The following RIMS2 variants were observed in gnomAD, a reference collection of about 807,000 sequenced individuals.
The protein encoded by RIMS2 is regulating synaptic membrane exocytosis protein 2.
RIMS2 carries 59 observed loss-of-function variants against 174.4 expected under a neutral mutation model. That is an observed-to-expected ratio of 0.34 (90% CI 0.27 to 0.42). The LOEUF is 0.42. Ranked by LOEUF, RIMS2 falls within the 10% of genes least tolerant of loss-of-function variation. The pLI is 1.00. For synonymous variants in RIMS2, 606 were observed against 572.5 expected (o/e 1.06, Z -0.84); for missense variants, 1,620 against 1,666.3 (o/e 0.97, Z 0.48).
At chr8:103,880,743 A>G (rs1469481978) in intron 3 of RIMS2, 10 of 448,810 alleles carry the variant, frequency 2.2e-5, no homozygotes, top group East Asian at 2.0e-4. Context: ...AAATTTATAT[A>G]TTTTTGTTTT....
chr8:104,237,319 TA>T (rs1307636198), intron 19 of RIMS2, among the ~76,000 whole-genome samples: 1 of 152,166 alleles, frequency 6.6e-6, no homozygotes, highest in Non-Finnish European at 1.5e-5. Context: ...AACAAACAAC[TA>T]AAAATATTAA....
At chr8:103,919,123 T>C (rs529413625) in intron 9 of RIMS2, among the ~76,000 whole-genome samples, 233 of 152,284 alleles carry the variant, frequency 1.5e-3, no homozygotes, top group Non-Finnish European at 2.5e-3. Context: ...TAAGTTACTT[T>C]ATTGATTGAG....
At chr8:103,611,496 T>C (rs2095364970) in intron 1 of RIMS2, among the ~76,000 whole-genome samples, 1 of 152,088 alleles carries the variant, frequency 6.6e-6, no homozygotes, top group South Asian at 2.1e-4. Flanking sequence ...AGGTCTAGTG[T>C]TGATGCATCC....
At chr8:104,061,141 C>T (rs1042740017) in intron 19 of RIMS2, among the ~76,000 whole-genome samples, 5 of 152,092 alleles carry the variant, frequency 3.3e-5, no homozygotes, top group Non-Finnish European at 5.9e-5. Context: ...CTTTCTGTCT[C>T]GTTGATCTGT....
At chr8:104,136,308 G>A (rs2098519172) in intron 19 of RIMS2, among the ~76,000 whole-genome samples, 1 of 152,104 alleles carries the variant, frequency 6.6e-6, no homozygotes, top group Non-Finnish European at 1.5e-5. Flanking sequence ...CAGACAAAAA[G>A]GGGTGTATGG....
At chr8:103,509,468 G>C (rs1329062870) in intron 1 of RIMS2, among the ~76,000 whole-genome samples, 4 of 151,946 alleles carry the variant, frequency 2.6e-5, no homozygotes, top group African/African-American at 9.7e-5. Context: ...ATATATTTCT[G>C]TATCACCTCT....
At chr8:103,830,322 T>C (rs2098817758) in intron 3 of RIMS2, among the ~76,000 whole-genome samples, 1 of 152,200 alleles carries the variant, frequency 6.6e-6, no homozygotes, top group Non-Finnish European at 1.5e-5. Context: ...GTATGATTTC[T>C]TCTGATTCAT....
intron 2 of RIMS2, among the ~76,000 whole-genome samples, chr8:103,705,365 T>G (rs1405907930): frequency 6.6e-6 from 1 of 152,124 alleles, no homozygotes; most frequent in Non-Finnish European, 1.5e-5. Context: ...TGGCCTAAGA[T>G]ATGATCTGTT....
At position 104,097,180 on chromosome 8, in the gene RIMS2, T is replaced by C. The variant is rs143866321; in HGVS notation, c.3334+82565T>C. Among the ~76,000 whole-genome samples the C allele has an allele frequency of 8.3e-3, 1,257 of 152,306 alleles. 10 individuals carry two copies. The highest frequency in any genetic ancestry group is 0.012 in the Non-Finnish European group (785 of 68,002). The stretch of plus-strand genomic sequence containing the variant: ...GACCAGAAGTGTTTCAGAGTTCGGA[T>C]TTTTTTCAGATTTTGGAATTTTTAC... On this transcript the variant is annotated intron_variant, in intron 19 of 23. Coordinates refer to ENST00000504942, the Ensembl canonical transcript of RIMS2.
chr8:104,153,133 G>C (rs1179031578), intron 19 of RIMS2, among the ~76,000 whole-genome samples: 1 of 152,092 alleles, frequency 6.6e-6, no homozygotes, highest in Non-Finnish European at 1.5e-5. Context: ...TAGAGGCTAA[G>C]TTATAACTCT....
intron 2 of RIMS2, among the ~76,000 whole-genome samples, chr8:103,754,757 CT>C (rs146496963): frequency 1.3e-5 from 2 of 151,950 alleles, no homozygotes; most frequent in East Asian, 1.9e-4. Context: ...ATAACCCCTG[CT>C]TTTTTTTGCT....
rs149762321 is a variant in RIMS2, at chr8:103,553,436, G to C, written c.176+52374G>C. Among the ~76,000 whole-genome samples the C allele has an allele frequency of 6.1e-3, 930 of 152,082 alleles. 11 individuals are homozygous for C. The highest frequency in any genetic ancestry group is 0.021 in the African/African-American group (880 of 41,480). On this transcript the variant is annotated intron_variant, in intron 1 of 23. Transcript: ENST00000504942. The stretch of plus-strand genomic sequence containing the variant: ...ACAGGGTGGGGAATATCAAACACTG[G>C]GACCTGTCATGGGGTGGGGGAAGGA...
At chr8:103,871,235 C>G (rs1471165340) in intron 3 of RIMS2, among the ~76,000 whole-genome samples, 1 of 152,034 alleles carries the variant, frequency 6.6e-6, no homozygotes, top group Non-Finnish European at 1.5e-5. Context: ...ATGGTGAAAC[C>G]CCATCTGTAC....
chr8:104,251,160 A>G (rs758938749), exon 23 of RIMS2: 11 of 1,608,782 alleles, frequency 6.8e-6, no homozygotes, highest in South Asian at 1.1e-5. Flanking sequence ...GAAAAGTTTT[A>G]CAGGTATCTA....
chr8:103,739,058 G>A (rs371143863), intron 2 of RIMS2, among the ~76,000 whole-genome samples: 7 of 151,836 alleles, frequency 4.6e-5, no homozygotes, highest in African/African-American at 7.3e-5. Flanking sequence ...TAAATCATGC[G>A]GCTATAAAGA....
chr8:103,606,125 C>G (rs2095065225), intron 1 of RIMS2, among the ~76,000 whole-genome samples: 2 of 145,214 alleles, frequency 1.4e-5, no homozygotes, highest in African/African-American at 2.6e-5. Context: ...CCTGCTTTCT[C>G]TTGTGGGCAT....
chr8:103,696,249 G>A (rs547632155), intron 1 of RIMS2, among the ~76,000 whole-genome samples: 2 of 152,114 alleles, frequency 1.3e-5, no homozygotes, highest in South Asian at 4.2e-4. Flanking sequence ...CAAAATGAAG[G>A]AATTCTTCAT....
chr8:103,835,497 G>A lies in RIMS2; in HGVS notation c.699-49801G>A, dbSNP rs537993861. Among the ~76,000 whole-genome samples, 20 of 152,262 alleles carry A rather than the reference G, an allele frequency of 1.3e-4. No individual in the cohort carries two copies. In the South Asian group the frequency reaches 3.3e-3, roughly 25 times the overall value. ...AAATTCACTTGGTGTCATCTTCCTCGAAGAATCAGTTGGTCTCCAGTATCT... is the reference window on the plus strand; with the variant it reads ...AAATTCACTTGGTGTCATCTTCCTCAAAGAATCAGTTGGTCTCCAGTATCT... On this transcript the variant is annotated intron_variant, in intron 3 of 23. Transcript: ENST00000504942.
chr8:103,711,897 A>AAT (rs35477375), intron 2 of RIMS2, among the ~76,000 whole-genome samples: 83,281 of 149,120 alleles, frequency 0.56, 23,470 homozygotes, highest in East Asian at 0.76. Flanking sequence ...CCCCATCTGA[A>AAT]ATATATATAT....
Sources: allele counts gnomAD v4.1 joint callset (sites outside exome capture counted in the v4.1 genomes callset), GRCh38; gene constraint gnomAD v4.1.1; transcripts MANE v1.5; gene names NCBI Gene and HGNC (gene_info 2026-07-23, HGNC 2026-07-21).